Variants in SRGAP3 observed in about 807,000 individuals in gnomAD.
SRGAP3 encodes SLIT-ROBO Rho GTPase activating protein 3.
A neutral mutation model predicts 121.1 loss-of-function variants in SRGAP3; 39 were observed. The observed-to-expected ratio is 0.32, with a 90% CI of 0.25 to 0.42. The LOEUF (loss-of-function observed/expected upper bound fraction) is 0.42. Among genes scored for constraint, SRGAP3 ranks in the 10% least tolerant of loss-of-function variants. SRGAP3 has a pLI of 1.00. For synonymous variants in SRGAP3, 601 were observed against 570.0 expected (o/e 1.05, Z -0.77); for missense variants, 1,213 against 1,470.6 (o/e 0.82, Z 2.86).
chr3:9,151,083 G>C (rs530578071), intron 1 of SRGAP3, among the ~76,000 whole-genome samples: 1 of 152,358 alleles, frequency 6.6e-6, no homozygotes, highest in East Asian at 1.9e-4. Flanking sequence ...GGGATGGCTT[G>C]AGGAGGTGAG....
At chr3:9,070,623 G>C (rs1946660113) in intron 4 of SRGAP3, among the ~76,000 whole-genome samples, 2 of 152,148 alleles carry the variant, frequency 1.3e-5, no homozygotes, top group African/African-American at 2.4e-5. Flanking sequence ...GGGTGGGTGG[G>C]TGGATAAATG....
intron 1 of SRGAP3, among the ~76,000 whole-genome samples, chr3:9,143,781 C>A (rs1354177083): frequency 6.6e-6 from 1 of 152,112 alleles, no homozygotes; most frequent in Non-Finnish European, 1.5e-5. Flanking sequence ...CGGTGAAACT[C>A]CACCACTGCC....
chr3:9,162,186 G>A (rs575788892), intron 1 of SRGAP3, among the ~76,000 whole-genome samples: 77 of 151,966 alleles, frequency 5.1e-4, no homozygotes, highest in Middle Eastern at 3.4e-3. Context: ...TTTCAGTTGC[G>A]GAAGAAAAAA....
intron 1 of SRGAP3, among the ~76,000 whole-genome samples, chr3:9,191,817 C>A (rs1021568586): frequency 6.6e-6 from 1 of 152,154 alleles, no homozygotes; most frequent in African/African-American, 2.4e-5. Flanking sequence ...GCACCATCCC[C>A]CTTGGTACTG....
chr3:9,056,043 A>G (rs1945803398), intron 8 of SRGAP3, among the ~76,000 whole-genome samples, 190 bp downstream of exon 8: 1 of 152,102 alleles, frequency 6.6e-6, no homozygotes, highest in Admixed American at 6.6e-5. Context: ...TTTTTCTTCA[A>G]TTTAACATCT....
chr3:9,102,715 A>G (rs1231417799), intron 3 of SRGAP3, among the ~76,000 whole-genome samples: 2 of 152,258 alleles, frequency 1.3e-5, no homozygotes, highest in African/African-American at 4.8e-5. Flanking sequence ...CAAGGCAGCC[A>G]GGAGCTCAGC....
chr3:9,085,327 C>G (rs1947417798), intron 3 of SRGAP3, among the ~76,000 whole-genome samples: 2 of 152,192 alleles, frequency 1.3e-5, no homozygotes, highest in African/African-American at 4.8e-5. Flanking sequence ...AGGAGTCATT[C>G]CATCTTCAGA....
At chr3:9,301,708 T>C (rs1385748036) in intron 3 of SRGAP3, among the ~76,000 whole-genome samples, 2 of 152,220 alleles carry the variant, frequency 1.3e-5, no homozygotes, top group East Asian at 3.8e-4. Flanking sequence ...AAAAGCTTCA[T>C]CTTTGGCACC....
intron 2 of SRGAP3, among the ~76,000 whole-genome samples, chr3:9,328,530 A>G (rs999891025): frequency 2.6e-5 from 4 of 152,200 alleles, no homozygotes; most frequent in Non-Finnish European, 5.9e-5. Context: ...ACTTCTTATT[A>G]TCCAATTTTA....
At chr3:9,263,183 C>T (rs573493491) in intron 3 of SRGAP3, among the ~76,000 whole-genome samples, 14 of 152,154 alleles carry the variant, frequency 9.2e-5, no homozygotes, top group East Asian at 1.9e-4. Context: ...AACAAAGATA[C>T]GAAGTACCAG....
At chr3:9,287,293 C>T (rs141541531) in intron 3 of SRGAP3, among the ~76,000 whole-genome samples, 1 of 152,108 alleles carries the variant, frequency 6.6e-6, no homozygotes, top group African/African-American at 2.4e-5. Flanking sequence ...CACCCCAGCA[C>T]ATTAACACTC....
chr3:9,121,055 C>T (rs1197563709), intron 2 of SRGAP3, among the ~76,000 whole-genome samples: 1 of 152,190 alleles, frequency 6.6e-6, no homozygotes, highest in Non-Finnish European at 1.5e-5. Context: ...AGTTCTGCTC[C>T]TAATTTACTG....
At chr3:9,064,070 T>C (rs1008820997) in intron 5 of SRGAP3, among the ~76,000 whole-genome samples, 11 of 152,234 alleles carry the variant, frequency 7.2e-5, no homozygotes, top group Non-Finnish European at 1.5e-4. Flanking sequence ...TGCCTTGTGA[T>C]TCCAGCTCAT....
chr3:9,029,799 A>G (rs1559953246), intron 12 of SRGAP3, among the ~76,000 whole-genome samples: 1 of 152,174 alleles, frequency 6.6e-6, no homozygotes, highest in Non-Finnish European at 1.5e-5. Context: ...GTATGAGTTT[A>G]TTGAACTGTG....
At chr3:9,322,065 A>C (rs1271504476) in intron 3 of SRGAP3, among the ~76,000 whole-genome samples, 1 of 151,750 alleles carries the variant, frequency 6.6e-6, no homozygotes, top group Admixed American at 6.5e-5. Context: ...CTGATCTTGG[A>C]GATAAGATAC....
chr3:9,018,681 C>T (rs1395978181), intron 14 of SRGAP3, among the ~76,000 whole-genome samples: 1 of 152,206 alleles, frequency 6.6e-6, no homozygotes, highest in African/African-American at 2.4e-5. Context: ...TCAAAAGTTA[C>T]TCTCTGTAGT....
intron 1 of SRGAP3, among the ~76,000 whole-genome samples, chr3:9,143,494 T>C (rs535432661): frequency 6.6e-6 from 1 of 152,340 alleles, no homozygotes; most frequent in East Asian, 1.9e-4. Flanking sequence ...ATGGATAAAA[T>C]GCCACTGAAT....
intron 3 of SRGAP3, among the ~76,000 whole-genome samples, chr3:9,290,100 G>T (rs1488870670): frequency 6.6e-6 from 1 of 151,544 alleles, no homozygotes; most frequent in East Asian, 1.9e-4. Flanking sequence ...GACAGAGCAA[G>T]ACTCGGTCTT....
rs1948553542 is a variant in SRGAP3 at position 9,109,870 on chromosome 3, A to T, written c.261-5028T>A. Among the ~76,000 whole-genome samples, 1 of 151,998 alleles carries T rather than the reference A, an allele frequency of 6.6e-6. No individual in the cohort carries two copies. The highest frequency in any genetic ancestry group is 1.5e-5 in the Non-Finnish European group (1 of 68,018). On this transcript the variant is annotated intron_variant, in intron 2 of 21. Coordinates refer to ENST00000383836, the MANE Select transcript of SRGAP3 (RefSeq NM_014850.4). The surrounding 1 kb of genome is among the most constrained non-coding windows in gnomAD (Gnocchi z 4.4). ...CCCAGGGAGGAGCAGGAGAGGGAGG[A>T]GCAGGTAGGGAGGGGGCCCAAGCAT...
Sources: allele counts gnomAD v4.1 joint callset (sites outside exome capture counted in the v4.1 genomes callset), GRCh38; gene constraint gnomAD v4.1.1; non-coding constraint Gnocchi (gnomAD v3.1); transcripts MANE v1.5; gene names NCBI Gene and HGNC (gene_info 2026-07-23, HGNC 2026-07-21).